Variants in PPFIA1 observed in about 807,000 individuals in gnomAD.
PPFIA1 encodes the protein PPFI scaffold protein A1.
PPFIA1 carries 25 observed loss-of-function variants against 149.9 expected under a neutral mutation model. The observed-to-expected ratio is 0.17, with a 90% CI of 0.12 to 0.23. The LOEUF (loss-of-function observed/expected upper bound fraction) is 0.23, where lower values mean the gene tolerates loss of function less well. PPFIA1 is among the 10% of genes least tolerant of loss of function. PPFIA1 has a pLI of 1.00. For missense variants in PPFIA1, 1,362 were observed against 1,506.5 expected (o/e 0.90, Z 1.59); for synonymous variants, 549 against 552.8 (o/e 0.99, Z 0.10).
At chr11:70,370,957 A>AC (rs2057204773) in intron 21 of PPFIA1, among the ~76,000 whole-genome samples, 1 of 151,352 alleles carries the variant, frequency 6.6e-6, no homozygotes, top group Admixed American at 6.6e-5. Context: ...ACATGTTGAA[A>AC]CCCCGTCTGT....
At chr11:70,369,106 T>G (rs2057101496) in intron 21 of PPFIA1, among the ~76,000 whole-genome samples, 1 of 152,154 alleles carries the variant, frequency 6.6e-6, no homozygotes, top group Non-Finnish European at 1.5e-5. Context: ...TCTTTTACAT[T>G]AAGTATGATG....
At chr11:70,299,555 C>T (rs2136323141) in intron 2 of PPFIA1, among the ~76,000 whole-genome samples, 1 of 152,310 alleles carries the variant, frequency 6.6e-6, no homozygotes, top group East Asian at 1.9e-4. Context: ...GTGGGGTCTT[C>T]TTCCCTTCTG....
chr11:70,305,819 T>C (rs748577119), intron 2 of PPFIA1, among the ~76,000 whole-genome samples: 16 of 152,214 alleles, frequency 1.1e-4, no homozygotes, highest in Non-Finnish European at 2.4e-4. Context: ...TATTTGGGCA[T>C]ATGTTAGGAT....
intron 17 of PPFIA1, 145 bp from the exon 18 acceptor site, chr11:70,355,494 A>C (rs1175237379): frequency 1.4e-6 from 1 of 740,592 alleles, no homozygotes; most frequent in Non-Finnish European, 2.1e-6. Context: ...CCTCGCCGGG[A>C]GTCTGCCTTT....
At chr11:70,370,963 TC>T (rs1410482295) in intron 21 of PPFIA1, among the ~76,000 whole-genome samples, 2 of 152,124 alleles carry the variant, frequency 1.3e-5, no homozygotes, top group African/African-American at 4.8e-5. Flanking sequence ...TGAAACCCCG[TC>T]TGTACTAAAA....
rs1047368715 is a variant in PPFIA1 at position 70,383,029 on chromosome 11, T to G, written c.*39T>G. 2.4e-6 allele frequency: 1 copy of G among 412,434 alleles called. No individual in the cohort carries two copies. Among genetic ancestry groups the G allele is most frequent in the African/African-American group, 2.2e-5 (1 of 46,396 alleles). 25.5% of individuals were successfully genotyped at this position (412,434 alleles called of 1,614,324 possible). ...TTACCCACACTACTTCTACAGATGA[T>G]TATGCAGCATTTGAATCCAACAAAG... On this transcript the variant is annotated 3_prime_UTR_variant, in exon 28 of 28. Transcript: ENST00000253925.
At chr11:70,307,481 C>T (rs1473101405) in intron 2 of PPFIA1, among the ~76,000 whole-genome samples, 3 of 152,100 alleles carry the variant, frequency 2.0e-5, no homozygotes, top group Non-Finnish European at 2.9e-5. Context: ...TAAAAAATCT[C>T]TAGATAAACA....
rs374441977 is a variant in PPFIA1, at chr11:70,376,535, C to T, written c.3319C>T (p.Arg1107Cys). ...TGTTTTTCTTTGGTTATTTCAGGCT[C>T]GTGCTGTCTTGGAAAGAGAATTTAA... Reference protein sequence around the residue: ...LQIPTQNTQARAVLEREFNNL... With the variant: ...LQIPTQNTQACAVLEREFNNL... The change falls in exon 25 of 28, where the codon CGT becomes TGT. Residue 1107 changes from arginine (R) to cysteine (C), a missense_variant. This residue lies in a region of PPFIA1 where 349 missense variants were observed against 373.3 expected (regional missense o/e 0.93). Coordinates refer to ENST00000253925, the MANE Select transcript of PPFIA1 (RefSeq NM_003626.5). The T allele has an allele frequency of 6.3e-5, 101 of 1,612,434 alleles. 1 individual carries two copies. Among genetic ancestry groups the T allele is most frequent in the Admixed American group, 8.3e-5 (5 of 60,030 alleles).
chr11:70,342,895 C>T (rs1354014545), intron 14 of PPFIA1, among the ~76,000 whole-genome samples: 2 of 140,302 alleles, frequency 1.4e-5, no homozygotes, highest in Non-Finnish European at 3.1e-5. Context: ...ACACTAGGAA[C>T]ATTCAAGTTA....
At chr11:70,372,436 C>T in intron 22 of PPFIA1, 41 bp from the exon 23 acceptor site, 1 of 1,612,268 alleles carries the variant, frequency 6.2e-7, no homozygotes, top group South Asian at 1.1e-5. Flanking sequence ...AGATTTTTCA[C>T]TGTTACCATC....
intron 26 of PPFIA1, among the ~76,000 whole-genome samples, chr11:70,378,903 C>T (rs1389926198): frequency 1.3e-5 from 2 of 152,180 alleles, no homozygotes; most frequent in Admixed American, 6.5e-5. Flanking sequence ...TGCCCTTGTA[C>T]TCATCTAATG....
chr11:70,363,913 A>T (rs892615261), intron 21 of PPFIA1, among the ~76,000 whole-genome samples: 1 of 150,268 alleles, frequency 6.7e-6, no homozygotes, highest in Non-Finnish European at 1.5e-5. Flanking sequence ...TTTTGTAGAG[A>T]TGGGTCTCAC....
At chr11:70,349,751 T>C (rs1162254983) in intron 16 of PPFIA1, among the ~76,000 whole-genome samples, 1 of 152,204 alleles carries the variant, frequency 6.6e-6, no homozygotes, top group Non-Finnish European at 1.5e-5. Context: ...TTTAAACTCT[T>C]TGACTGTTTT....
At chr11:70,377,893 G>A in intron 25 of PPFIA1, 137 bp from the exon 26 acceptor site, 2 of 714,476 alleles carry the variant, frequency 2.8e-6, no homozygotes, top group South Asian at 1.9e-5. Flanking sequence ...ATATTGTGTG[G>A]TCATCAAGAA....
At chr11:70,322,495 C>T (rs928437585) in intron 2 of PPFIA1, among the ~76,000 whole-genome samples, 4 of 152,174 alleles carry the variant, frequency 2.6e-5, no homozygotes, top group African/African-American at 7.2e-5. Flanking sequence ...CCCAGGAGCC[C>T]GCTTCTGAAT....
intron 21 of PPFIA1, 106 bp downstream of exon 21, chr11:70,362,594 A>C: frequency 8.4e-7 from 1 of 1,193,314 alleles, no homozygotes; most frequent in Non-Finnish European, 1.1e-6. Context: ...CAGCATATGA[A>C]GTATAGTTCT....
intron 2 of PPFIA1, among the ~76,000 whole-genome samples, 184 bp from the exon 3 acceptor site, chr11:70,324,218 G>C (rs150040988): frequency 1.9e-3 from 295 of 152,318 alleles, no homozygotes; most frequent in African/African-American, 6.6e-3. Context: ...TGGTCTGTCA[G>C]TGTTGTGATT....
At chr11:70,382,232 A>G in intron 27 of PPFIA1, 74 bp downstream of exon 27, 1 of 1,194,232 alleles carries the variant, frequency 8.4e-7, no homozygotes, top group Non-Finnish European at 1.2e-6. Flanking sequence ...GCAGTGCCAG[A>G]CTAGGGGTGT....
At chr11:70,339,677 T>G (rs923162264) in intron 14 of PPFIA1, among the ~76,000 whole-genome samples, 2 of 151,742 alleles carry the variant, frequency 1.3e-5, no homozygotes, top group Non-Finnish European at 2.9e-5. Context: ...ATACAGTCAC[T>G]TTTAAATACA....
Sources: allele counts gnomAD v4.1 joint callset (sites outside exome capture counted in the v4.1 genomes callset), GRCh38; gene constraint gnomAD v4.1.1; regional missense constraint gnomAD v4.1.1; transcripts MANE v1.5; gene names NCBI Gene and HGNC (gene_info 2026-07-23, HGNC 2026-07-21).